COMMD4: variants seen among roughly 807,000 people sequenced by gnomAD.
The protein encoded by COMMD4 is COMM domain containing 4, also known as COMM domain-containing protein 4.
A neutral mutation model predicts 27.5 loss-of-function variants in COMMD4; 18 were observed. The ratio of observed to expected loss-of-function variants is 0.65; its 90% CI spans 0.45 to 0.97. The LOEUF (loss-of-function observed/expected upper bound fraction) is 0.97. Ranked by LOEUF, COMMD4 falls within the 50% of genes least tolerant of loss-of-function variation. COMMD4 has a pLI of 0.00. For missense variants in COMMD4, 243 were observed against 250.0 expected (o/e 0.97, Z 0.19); for synonymous variants, 108 against 108.4 (o/e 1.00, Z 0.02).
At position 75,336,078 on chromosome 15, in the gene COMMD4, C is replaced by A. The variant is rs1438127381; in HGVS notation, c.-12C>A. 14 of 1,549,646 alleles carry A rather than the reference C, an allele frequency of 9.0e-6. No individual in the cohort carries two copies. The highest frequency in any genetic ancestry group is 1.4e-5 in the African/African-American group (1 of 72,988). On this transcript the variant is annotated 5_prime_UTR_variant, in exon 1 of 8. Coordinates refer to ENST00000267935, the MANE Select transcript of COMMD4 (RefSeq NM_017828.5). Reference sequence around the variant, plus strand: ...GGAAAAAGAAATTCCCGGGCCCTGGCTTCTTGGCGCGATGGTGAGGCACTA... The same window carrying A: ...GGAAAAAGAAATTCCCGGGCCCTGGATTCTTGGCGCGATGGTGAGGCACTA...
intron 6 of COMMD4, 153 bp from the exon 7 acceptor site, chr15:75,339,549 G>A (rs558827973): frequency 1.7e-5 from 19 of 1,135,740 alleles, no homozygotes; most frequent in East Asian, 5.1e-5. Flanking sequence ...ACTGATTATC[G>A]GGCACCTGCC....
chr15:75,336,205 G>A (rs2141281409), intron 1 of COMMD4, 113 bp downstream of exon 1: 1 of 1,548,330 alleles, frequency 6.5e-7, no homozygotes, highest in South Asian at 1.2e-5. Context: ...AACACAGTGT[G>A]TGCGGGCGTG....
chr15:75,339,457 G>A, intron 6 of COMMD4, 113 bp downstream of exon 6: 1 of 1,488,146 alleles, frequency 6.7e-7, no homozygotes, highest in Non-Finnish European at 9.2e-7. Flanking sequence ...GTTACTAGCA[G>A]CCGTAGAGCT....
At chr15:75,340,883 G>A (rs1413545294), downstream of COMMD4, 4 of 151,700 alleles carry the variant, frequency 2.6e-5, no homozygotes, top group Non-Finnish European at 5.9e-5. Flanking sequence ...CTGACCTCAG[G>A]TGATCCACCC....
chr15:75,336,068 C>G lies in COMMD4; in HGVS notation c.-22C>G. On this transcript the variant is annotated 5_prime_UTR_variant, in exon 1 of 8. Coordinates refer to ENST00000267935, the MANE Select transcript of COMMD4 (RefSeq NM_017828.5). ...CTGCGGGACCGGAAAAAGAAATTCCCGGGCCCTGGCTTCTTGGCGCGATGG... is the reference window on the plus strand; with the variant it reads ...CTGCGGGACCGGAAAAAGAAATTCCGGGGCCCTGGCTTCTTGGCGCGATGG... 1.9e-6 allele frequency: 3 copies of G among 1,549,694 alleles called. No homozygotes were observed. The highest frequency in any genetic ancestry group is 2.4e-5 in the East Asian group (1 of 40,920).
downstream of COMMD4, chr15:75,341,574 G>T (rs1309107959): frequency 6.6e-6 from 1 of 152,154 alleles, no homozygotes; most frequent in African/African-American, 2.4e-5. Context: ...TCCGAGCGAT[G>T]GAGAGAAGGC....
Position 75,338,136 on chromosome 15 carries a change from T to C in COMMD4, c.75+3T>C, listed in dbSNP as rs771515347. Reference sequence around the variant, plus strand: ...AAATCAGCACGCTGGCCAAGATGGTTGAGTGCACAGGGTCTAGTCTGGGTG... The same window carrying C: ...AAATCAGCACGCTGGCCAAGATGGTCGAGTGCACAGGGTCTAGTCTGGGTG... On this transcript the variant is annotated splice_donor_region_variant and intron_variant, in intron 2 of 7. Transcript: ENST00000267935. The C allele has an allele frequency of 4.4e-6, 7 of 1,599,968 alleles. No individual in the cohort carries two copies. The highest frequency in any genetic ancestry group is 1.7e-6 in the Non-Finnish European group (2 of 1,173,284).
chr15:75,336,303 C>G, intron 1 of COMMD4: 1 of 1,436,022 alleles, frequency 7.0e-7, no homozygotes, highest in Non-Finnish European at 9.1e-7. Context: ...ACAGAGCAGG[C>G]CGGCCGGCTT....
At position 75,340,006 on chromosome 15, in the gene COMMD4, G is replaced by C; in HGVS notation, c.*1G>C. The stretch of plus-strand genomic sequence containing the variant: ...GACCCTGATGAGCTCCCTGGGCTGA[G>C]GAGAAGGGTGTTCCAGGCCTGTGTG... On this transcript the variant is annotated 3_prime_UTR_variant, in exon 8 of 8. Coordinates refer to ENST00000267935, the MANE Select transcript of COMMD4 (RefSeq NM_017828.5). 6.2e-7 allele frequency: 1 copy of C among 1,614,002 alleles called. No individual in the cohort carries two copies.
In COMMD4 at chr15:75,339,950, C is replaced by G; in HGVS notation, c.560-15C>G. ...GCCTGACTGCCTCCCACCTGCCCAC[C>G]TCTTCCCTCTGCAGAACTGAAGCAG... On this transcript the variant is annotated splice_polypyrimidine_tract_variant and intron_variant, in intron 7 of 7. Coordinates refer to ENST00000267935, the MANE Select transcript of COMMD4 (RefSeq NM_017828.5). The G allele has an allele frequency of 6.2e-7, 1 of 1,614,176 alleles. No homozygotes were observed. Among genetic ancestry groups the G allele is most frequent in the Non-Finnish European group, 8.5e-7 (1 of 1,180,018 alleles).
intron 3 of COMMD4, 26 bp downstream of exon 3, chr15:75,338,446 T>C (rs764282608): frequency 4.4e-6 from 7 of 1,607,558 alleles, no homozygotes; most frequent in Middle Eastern, 4.5e-4. Flanking sequence ...AGCACCCCAT[T>C]GTCCCATGAC....
At chr15:75,337,225 A>G (rs532494234) in intron 1 of COMMD4, 11 of 152,028 alleles carry the variant, frequency 7.2e-5, no homozygotes, top group African/African-American at 2.7e-4. Context: ...CAGCCTGGGC[A>G]ACAGAGGGAG....
At chr15:75,336,148 G>A (rs1178434099) in intron 1 of COMMD4, 56 bp downstream of exon 1, 7 of 1,549,688 alleles carry the variant, frequency 4.5e-6, no homozygotes, top group Non-Finnish European at 6.1e-6. Flanking sequence ...ATGAGGGGGC[G>A]CCAAGTGGCT....
Position 75,338,402 on chromosome 15 carries a change from G to T in COMMD4, c.123G>T (p.Leu41=). 1 of 1,602,168 alleles carries T rather than the reference G, an allele frequency of 6.2e-7. No individual in the cohort carries two copies. Reference sequence around the variant, plus strand: ...TCTGCAGCCAGGTACTAAAGGAGCTGCTGGGACAGGGGATTGATGTGAGTA... The same window carrying T: ...TCTGCAGCCAGGTACTAAAGGAGCTTCTGGGACAGGGGATTGATGTGAGTA... ...RLLCSQVLKE[L]LGQGIDYEKI... The change falls in exon 3 of 8, where the codon CTG becomes CTT. Residue 41 remains leucine, a synonymous_variant. Coordinates refer to ENST00000267935, the MANE Select transcript of COMMD4 (RefSeq NM_017828.5).
intron 1 of COMMD4, chr15:75,336,533 G>A: frequency 3.1e-6 from 1 of 326,808 alleles, no homozygotes; most frequent in Non-Finnish European, 5.7e-6. Context: ...GCTCTTTCCA[G>A]AGCCAGAAAG....
chr15:75,336,098 G>T lies in COMMD4; in HGVS notation c.3+6G>T, dbSNP rs893109278. On this transcript the variant is annotated splice_donor_region_variant and intron_variant, in intron 1 of 7. Transcript: ENST00000267935. ...CCTGGCTTCTTGGCGCGATGGTGAG[G>T]CACTAGGGGCGAAGCGAGGCTTGGG... is the stretch of plus-strand genomic sequence containing the variant. 6 of 1,549,708 alleles carry T rather than the reference G, an allele frequency of 3.9e-6. No homozygotes were observed. In the African/African-American group the frequency reaches 4.1e-5, roughly 11 times the overall value.
In COMMD4 at chr15:75,336,075, T is replaced by G. The variant is rs1404346679; in HGVS notation, c.-15T>G. On this transcript the variant is annotated 5_prime_UTR_variant, in exon 1 of 8. Transcript: ENST00000267935. ...ACCGGAAAAAGAAATTCCCGGGCCC[T>G]GGCTTCTTGGCGCGATGGTGAGGCA... 6.5e-7 allele frequency: 1 copy of G among 1,549,568 alleles called. No individual in the cohort carries two copies. Among genetic ancestry groups the G allele is most frequent in the Non-Finnish European group, 8.7e-7 (1 of 1,146,808 alleles).
At chr15:75,337,079 T>C (rs1375124335) in intron 1 of COMMD4, 1 of 152,164 alleles carries the variant, frequency 6.6e-6, no homozygotes, top group Non-Finnish European at 1.5e-5. Context: ...TGAGGGGCTA[T>C]TTTAAGAAGT....
chr15:75,343,053 C>T (rs2071440120), downstream of COMMD4: 1 of 152,208 alleles, frequency 6.6e-6, no homozygotes, highest in African/African-American at 2.4e-5. Flanking sequence ...CTTCTGACCT[C>T]AGGTGATCCG....
Sources: allele counts gnomAD v4.1 joint callset, GRCh38; gene constraint gnomAD v4.1.1; transcripts MANE v1.5; gene names NCBI Gene and HGNC (gene_info 2026-07-23, HGNC 2026-07-21).